The following PCNX2 variants were observed in gnomAD, a reference collection of about 807,000 sequenced individuals.
PCNX2 encodes pecanex-like protein 2.
A neutral mutation model predicts 223.8 loss-of-function variants in PCNX2; 168 were observed. The observed-to-expected ratio is 0.75, with a 90% confidence interval of 0.66 to 0.85. The LOEUF (loss-of-function observed/expected upper bound fraction) is 0.85, where lower values mean the gene tolerates loss of function less well. Ranked by LOEUF, PCNX2 falls within the 40% of genes least tolerant of loss-of-function variation. The pLI, the probability that PCNX2 is intolerant of heterozygous loss-of-function variation, is 0.00. For missense variants in PCNX2, 2,507 were observed against 2,675.5 expected (o/e 0.94, Z 1.39); for synonymous variants, 1,006 against 1,052.6 (o/e 0.96, Z 0.86).
At chr1:233,168,228 C>T (rs1678916945) in intron 17 of PCNX2, among the ~76,000 whole-genome samples, 1 of 151,946 alleles carries the variant, frequency 6.6e-6, no homozygotes, top group Admixed American at 6.5e-5. Flanking sequence ...TATTGCAGCA[C>T]CCTAGAACAT....
chr1:233,199,465 G>A (rs953612600), intron 14 of PCNX2, among the ~76,000 whole-genome samples: 7 of 152,224 alleles, frequency 4.6e-5, no homozygotes, highest in Admixed American at 4.6e-4. Flanking sequence ...GTGTGTGTGT[G>A]TGTACGTGTA....
At chr1:233,179,025 C>T (rs367557588) in intron 16 of PCNX2, 41 bp downstream of exon 16, 136 of 1,565,336 alleles carry the variant, frequency 8.7e-5, no homozygotes, top group Non-Finnish European at 9.5e-5. Context: ...GAACTATGCC[C>T]CCAGCTCAGT....
At chr1:233,291,942 T>A in intron 1 of PCNX2, 1 of 985,418 alleles carries the variant, frequency 1.0e-6, no homozygotes. Flanking sequence ...AGAAAACTGC[T>A]CTGAATACTC....
At chr1:233,237,519 G>A (rs1324532887) in intron 8 of PCNX2, among the ~76,000 whole-genome samples, 1 of 152,156 alleles carries the variant, frequency 6.6e-6, no homozygotes, top group Non-Finnish European at 1.5e-5. Context: ...ATCTAAAATA[G>A]TTTTATCTTT....
chr1:233,061,948 G>C (rs1344079463), intron 23 of PCNX2, among the ~76,000 whole-genome samples: 1 of 151,932 alleles, frequency 6.6e-6, no homozygotes, highest in Admixed American at 6.6e-5. Flanking sequence ...TAGTAGAGAT[G>C]GGGTTTCACC....
At chr1:233,314,797 A>T in the PCNX2 span, among the ~76,000 whole-genome samples, 6 of 152,188 alleles carry the variant, frequency 3.9e-5, no homozygotes, top group Non-Finnish European at 8.8e-5. Context: ...GTCCAAGATA[A>T]TTTTCAGGTA....
rs558546311 is a variant in PCNX2, at chr1:233,252,711, G to A, written c.1912C>T (p.Pro638Ser). The stretch of plus-strand genomic sequence containing the variant: ...GTATGGTCTTGACTTTGCAAATCTG[G>A]TTTTCCTTGCTTAGAACTGTGTCCA... The part of the protein sequence containing the change: ...PSGHSSKQGK[P>S]DLQSQDHTST... Residue 638 changes from proline (P) to serine (S), a missense_variant, in exon 6 of 34, where the codon CCA becomes TCA. This residue lies in a region of PCNX2 where 1,031 missense variants were observed against 1,021.7 expected (regional missense o/e 1.01). Transcript: ENST00000258229. 3.5e-5 allele frequency: 57 copies of A among 1,613,862 alleles called. No individual in the cohort carries two copies. In the East Asian group the frequency reaches 1.2e-3, roughly 33 times the overall value.
chr1:233,250,835 G>A lies in PCNX2; in HGVS notation c.2129-3C>T. 1.3e-6 allele frequency: 2 copies of A among 1,575,932 alleles called. No individual in the cohort carries two copies. The highest frequency in any genetic ancestry group is 2.3e-5 in the East Asian group (1 of 43,564). On this transcript the variant is annotated splice_region_variant and splice_polypyrimidine_tract_variant and intron_variant, in intron 7 of 33. Coordinates refer to ENST00000258229, the MANE Select transcript of PCNX2 (RefSeq NM_014801.4). ...TAAATAACAGGATCTAATTTCCCCTGTAAAATCAGAAAATTTCAGCAAAGA... is the reference window on the plus strand; with the variant it reads ...TAAATAACAGGATCTAATTTCCCCTATAAAATCAGAAAATTTCAGCAAAGA...
intron 23 of PCNX2, among the ~76,000 whole-genome samples, chr1:233,060,380 T>C (rs1156492895): frequency 6.6e-6 from 1 of 152,212 alleles, no homozygotes. Context: ...CTAAACTCCT[T>C]AGGGAACTAA....
At position 233,135,117 on chromosome 1, in the gene PCNX2, A is replaced by G; in HGVS notation, c.3733T>C (p.Phe1245Leu). The G allele has an allele frequency of 6.2e-7, 1 of 1,613,734 alleles. No individual in the cohort carries two copies. The highest frequency in any genetic ancestry group is 8.5e-7 in the Non-Finnish European group (1 of 1,179,634). The change falls in exon 21 of 34, where the codon TTT becomes CTT. Residue 1245 changes from phenylalanine (F) to leucine (L), a missense_variant. By Grantham distance (22) the Phe-to-Leu change is conservative. Coordinates refer to ENST00000258229, the MANE Select transcript of PCNX2 (RefSeq NM_014801.4). ...ATGACAGTGAAGCTCAAGTTAATAAACTGGTAAACCGGGTTGCAGAATGAT... is the reference window on the plus strand; with the variant it reads ...ATGACAGTGAAGCTCAAGTTAATAAGCTGGTAAACCGGGTTGCAGAATGAT... ...RTSFCNPVYQ[F>L]INLSFTVIFF...
chr1:233,093,752 G>A (rs1405945984), intron 22 of PCNX2, among the ~76,000 whole-genome samples: 1 of 152,118 alleles, frequency 6.6e-6, no homozygotes, highest in Admixed American at 6.5e-5. Context: ...AGAAGGGGTG[G>A]AAGTGGGTGT....
At chr1:233,290,641 T>C (rs997130816) in intron 1 of PCNX2, 60 of 655,790 alleles carry the variant, frequency 9.1e-5, no homozygotes, top group Non-Finnish European at 1.1e-4. Context: ...ACAATTAGAA[T>C]GTGTTGGGTG....
chr1:233,220,085 C>T (rs898030237), intron 10 of PCNX2, among the ~76,000 whole-genome samples: 12 of 152,272 alleles, frequency 7.9e-5, no homozygotes, highest in Admixed American at 3.9e-4. Flanking sequence ...ATGCAGTTAA[C>T]GTTCCTCCAT....
chr1:233,235,726 C>T (rs939252781), intron 9 of PCNX2, among the ~76,000 whole-genome samples: 1 of 151,852 alleles, frequency 6.6e-6, no homozygotes, highest in Admixed American at 6.6e-5. Context: ...CTCAGCCTCC[C>T]AAGTAGCTGG....
chr1:233,258,036 A>T lies in PCNX2; in HGVS notation c.1826T>A (p.Leu609His), dbSNP rs768110239. ...ATGACATGGAATCGCACCTCGGAGAAGCCCACTTTCTTCATTCTGCTCAGC... is the reference window on the plus strand; with the variant it reads ...ATGACATGGAATCGCACCTCGGAGATGCCCACTTTCTTCATTCTGCTCAGC... ...GSAEQNEESG[L>H]LRDNCSQEKK... The change falls in exon 5 of 34, where the codon CTT becomes CAT. Residue 609 changes from leucine (L) to histidine (H), a missense_variant. Leu to His is a moderately conservative substitution (Grantham distance 99). Coordinates refer to ENST00000258229, the MANE Select transcript of PCNX2 (RefSeq NM_014801.4). 105 of 1,610,302 alleles carry T rather than the reference A, an allele frequency of 6.5e-5. No individual in the cohort carries two copies. Among genetic ancestry groups the T allele is most frequent in the Non-Finnish European group, 8.9e-5 (105 of 1,176,948 alleles).
intron 1 of PCNX2, among the ~76,000 whole-genome samples, chr1:233,286,425 G>A (rs2103024594): frequency 6.6e-6 from 1 of 152,344 alleles, no homozygotes; most frequent in African/African-American, 2.4e-5. Context: ...ATCAGAGACT[G>A]GCTGGCTAGC....
intron 1 of PCNX2, among the ~76,000 whole-genome samples, chr1:233,269,778 C>G (rs1235821354): frequency 6.6e-6 from 1 of 152,156 alleles, no homozygotes; most frequent in African/African-American, 2.4e-5. Flanking sequence ...TCCGAGAGTG[C>G]TGGGATGATT....
At chr1:233,035,943 G>T (rs1290696559) in intron 25 of PCNX2, among the ~76,000 whole-genome samples, 1 of 152,078 alleles carries the variant, frequency 6.6e-6, no homozygotes, top group Non-Finnish European at 1.5e-5. Context: ...CAGGAGGAGG[G>T]CCCCCATAAC....
In PCNX2 at chr1:233,295,282, C is replaced by T; in HGVS notation, c.153+44G>A. 1.3e-6 allele frequency: 2 copies of T among 1,561,064 alleles called. No individual in the cohort carries two copies. The highest frequency in any genetic ancestry group is 1.7e-4 in the Middle Eastern group (1 of 5,990). On this transcript the variant is annotated intron_variant, in intron 1 of 33. Coordinates refer to ENST00000258229, the MANE Select transcript of PCNX2 (RefSeq NM_014801.4). The surrounding 1 kb of genome is among the most constrained non-coding windows in gnomAD (Gnocchi z 4.1). ...GTCTGTGGTTCCTTTCTCCTTCTTCCCTCCATACCCACAGCTCCCCGGGAC... is the reference window on the plus strand; with the variant it reads ...GTCTGTGGTTCCTTTCTCCTTCTTCTCTCCATACCCACAGCTCCCCGGGAC...
Sources: allele counts gnomAD v4.1 joint callset (sites outside exome capture counted in the v4.1 genomes callset), GRCh38; gene constraint gnomAD v4.1.1; regional missense constraint gnomAD v4.1.1; non-coding constraint Gnocchi (gnomAD v3.1); transcripts MANE v1.5; gene names NCBI Gene and HGNC (gene_info 2026-07-23, HGNC 2026-07-21).